The following DLG5 variants were observed in gnomAD, a reference collection of about 807,000 sequenced individuals.
The protein encoded by DLG5 is disks large homolog 5.
Under a neutral mutation model 189.8 loss-of-function variants are expected in DLG5, and 48 were observed. The observed-to-expected ratio is 0.25, with a 90% confidence interval of 0.20 to 0.32. The LOEUF is 0.32. DLG5 is among the 10% of genes least tolerant of loss of function. DLG5 has a pLI of 1.00. For missense variants in DLG5, 2,160 were observed against 2,544.7 expected (o/e 0.85, Z 3.25); for synonymous variants, 1,016 against 1,054.1 (o/e 0.96, Z 0.70).
intron 25 of DLG5, 106 bp from the exon 26 acceptor site, chr10:77,807,034 T>C: frequency 7.6e-7 from 1 of 1,316,082 alleles, no homozygotes; most frequent in South Asian, 1.4e-5. Flanking sequence ...TGCTTTGGGC[T>C]GTCTCCAAAC....
chr10:77,792,571 TTCAGC>T, intron 31 of DLG5, 28 bp from the exon 32 acceptor site: 1 of 1,609,830 alleles, frequency 6.2e-7, no homozygotes, highest in East Asian at 2.2e-5. Context: ...AGACACGTCA[TTCAGC>T]TCAGAGTAAG....
intron 27 of DLG5, among the ~76,000 whole-genome samples, chr10:77,799,960 C>A (rs1841116558): frequency 1.3e-5 from 2 of 151,982 alleles, no homozygotes; most frequent in South Asian, 4.1e-4. Flanking sequence ...AGAGGAAAAC[C>A]AGTCCTCCAT....
intron 27 of DLG5, among the ~76,000 whole-genome samples, chr10:77,800,871 C>T (rs1841169335): frequency 6.6e-6 from 1 of 151,888 alleles, no homozygotes; most frequent in African/African-American, 2.4e-5. Flanking sequence ...CCCTAGGGAA[C>T]ACCCCAGGCT....
intron 1 of DLG5, among the ~76,000 whole-genome samples, chr10:77,911,953 C>A (rs1564592937): frequency 6.7e-6 from 1 of 149,880 alleles, no homozygotes; most frequent in Non-Finnish European, 1.5e-5. Context: ...GATCCCAACA[C>A]TTTGGGAGGC....
At chr10:77,921,725 T>C (rs1248899) in intron 1 of DLG5, among the ~76,000 whole-genome samples, 109,152 of 152,122 alleles carry the variant, frequency 0.72, 40,596 homozygotes, top group African/African-American at 0.92. Flanking sequence ...AGCACATTCG[T>C]GAAGCTCTCC....
intron 27 of DLG5, among the ~76,000 whole-genome samples, chr10:77,799,987 C>G (rs1019079767): frequency 2.0e-5 from 3 of 152,128 alleles, no homozygotes; most frequent in African/African-American, 7.2e-5. Context: ...CTGAGACACT[C>G]CCGCACAAGC....
At position 77,796,319 on chromosome 10, in the gene DLG5, A is replaced by T; in HGVS notation, c.5309-131T>A. 6.3e-7 allele frequency: 1 copy of T among 1,584,530 alleles called. No individual in the cohort carries two copies. Among genetic ancestry groups the T allele is most frequent in the Non-Finnish European group, 8.6e-7 (1 of 1,161,110 alleles). On this transcript the variant is annotated intron_variant, in intron 28 of 31. Coordinates refer to ENST00000372391, the MANE Select transcript of DLG5 (RefSeq NM_004747.4). This position sits in a 1 kb window ranked among gnomAD's most constrained non-coding sequence, Gnocchi z 5.2. ...GCCATGCATGAATCTGACCCATGTC[A>T]GCAGGCTTCTGGAACACTGTGAAAT...
chr10:77,919,709 G>A (rs1181287315), intron 1 of DLG5, among the ~76,000 whole-genome samples: 3 of 150,714 alleles, frequency 2.0e-5, no homozygotes, highest in Non-Finnish European at 2.9e-5. Context: ...GACAGCGTGG[G>A]TGCTCCACAT....
In DLG5 at chr10:77,828,951, A is replaced by G; in HGVS notation, c.2220T>C (p.Ala740=). 1 of 1,614,148 alleles carries G rather than the reference A, an allele frequency of 6.2e-7. No homozygotes were observed. The highest frequency in any genetic ancestry group is 8.5e-7 in the Non-Finnish European group (1 of 1,180,018). The part of the protein sequence containing the change: ...SGISLENGVY[A]AAVLPGSPAA... ...CAGGGCTTCCAGGCAGCACAGCGGC[A>G]GCATACACTCCATTCTCCAGACTGA... Residue 740 remains alanine (A), a synonymous_variant, in exon 13 of 32, where the codon GCT becomes GCC. Transcript: ENST00000372391.
chr10:77,845,282 C>G (rs1843630569), intron 5 of DLG5: 1 of 152,200 alleles, frequency 6.6e-6, no homozygotes, highest in Admixed American at 6.5e-5. Flanking sequence ...CCTCAAATGC[C>G]CAGGCTAGAC....
chr10:77,801,708 T>A (rs568000857), intron 27 of DLG5, among the ~76,000 whole-genome samples: 1 of 152,306 alleles, frequency 6.6e-6, no homozygotes, highest in African/African-American at 2.4e-5. Flanking sequence ...TACCCACTCA[T>A]GGTGGTGGAC....
In DLG5 at chr10:77,792,271, C is replaced by T. The variant is rs1350261583; in HGVS notation, c.*169G>A. 7 of 662,090 alleles carry T rather than the reference C, an allele frequency of 1.1e-5. No homozygotes were observed. Among genetic ancestry groups the T allele is most frequent in the East Asian group, 2.7e-5 (1 of 37,562 alleles). 41.0% of individuals were successfully genotyped at this position (662,090 alleles called of 1,614,324 possible). A position where few individuals can be genotyped will look rare whatever the true frequency, so the allele number is the denominator to read the frequency against. On this transcript the variant is annotated 3_prime_UTR_variant, in exon 32 of 32. Transcript: ENST00000372391. ...TGTGTGGGCCTGGGCCTGGATCGCACGCAGCCGTGGCCCTCTGTCTACAAA... is the reference window on the plus strand; with the variant it reads ...TGTGTGGGCCTGGGCCTGGATCGCATGCAGCCGTGGCCCTCTGTCTACAAA...
At chr10:77,852,374 A>T (rs184228161) in intron 5 of DLG5, among the ~76,000 whole-genome samples, 41 of 152,012 alleles carry the variant, frequency 2.7e-4, no homozygotes, top group East Asian at 1.2e-3. Context: ...TGTCTCAAAA[A>T]AAATAAATAA....
intron 24 of DLG5, 152 bp downstream of exon 24, chr10:77,809,395 G>A: frequency 2.4e-6 from 2 of 823,904 alleles, no homozygotes; most frequent in Non-Finnish European, 3.8e-6. Context: ...GACAGAGCAA[G>A]ACTCTGCCTC....
chr10:77,884,575 T>C (rs749508061), intron 1 of DLG5, among the ~76,000 whole-genome samples: 1 of 152,124 alleles, frequency 6.6e-6, no homozygotes, highest in Non-Finnish European at 1.5e-5. Flanking sequence ...CCGTAATTAA[T>C]TACTGATTGG....
At chr10:77,930,447 A>T (rs1259876728), upstream of DLG5, among the ~76,000 whole-genome samples, 1 of 151,158 alleles carries the variant, frequency 6.6e-6, no homozygotes, top group Non-Finnish European at 1.5e-5. Flanking sequence ...TCCCGGGTTC[A>T]AGCGATTCTC....
chr10:77,854,076 G>A, intron 4 of DLG5, 151 bp downstream of exon 4: 2 of 993,438 alleles, frequency 2.0e-6, no homozygotes, highest in South Asian at 3.5e-5. Flanking sequence ...GAGGCCCAAA[G>A]GCACAAATCC....
intron 1 of DLG5, among the ~76,000 whole-genome samples, chr10:77,891,797 T>C (rs1230744157): frequency 6.6e-6 from 1 of 152,172 alleles, no homozygotes; most frequent in Non-Finnish European, 1.5e-5. Context: ...GCTGGTGTGC[T>C]GAAAAGCTCA....
rs575048961 is a variant in DLG5 at position 77,816,570 on chromosome 10, C to T, written c.4006G>A (p.Gly1336Arg). ...PRIAVNPASLGERRKDRPYVE... is the reference protein window; with the variant it reads ...PRIAVNPASLRERRKDRPYVE... ...GCTCACCTGTCCTTTCTCCGCTCCC[C>T]GAGGGACGCGGGGTTGACAGCGATT... Residue 1336 changes from glycine to arginine, a missense_variant, in exon 20 of 32, where the codon GGG becomes AGG. Gly to Arg is a moderately radical substitution (Grantham distance 125, BLOSUM62 -2). This residue lies in a region of DLG5 where 754 missense variants were observed against 746.5 expected (regional missense o/e 1.01). Coordinates refer to ENST00000372391, the MANE Select transcript of DLG5 (RefSeq NM_004747.4). The T allele has an allele frequency of 5.6e-6, 9 of 1,613,998 alleles. No individual in the cohort carries two copies. Among genetic ancestry groups the T allele is most frequent in the Middle Eastern group, 1.6e-4 (1 of 6,082 alleles).
Sources: gnomAD v4.1 joint callset for allele counts (sites outside exome capture counted in the v4.1 genomes callset) on GRCh38, gnomAD v4.1.1 for gene constraint, gnomAD v4.1.1 regional missense constraint, Gnocchi (gnomAD v3.1) non-coding constraint, MANE v1.5 for transcripts, NCBI Gene and HGNC (gene_info 2026-07-23, HGNC 2026-07-21) for gene names.